Variants in RAB22A observed in about 807,000 individuals in gnomAD.
RAB22A encodes the protein RAB22A, member RAS oncogene family, also known as ras-related protein Rab-22A.
Under a neutral mutation model 30.2 loss-of-function variants are expected in RAB22A, and 13 were observed. The observed-to-expected ratio is 0.43, with a 90% CI of 0.28 to 0.68. The LOEUF (loss-of-function observed/expected upper bound fraction) is 0.68, where lower values mean the gene tolerates loss of function less well. RAB22A is among the 30% of genes least tolerant of loss of function. RAB22A has a pLI of 0.18. For synonymous variants in RAB22A, 89 were observed against 87.2 expected (o/e 1.02, Z -0.11); for missense variants, 177 against 246.8 (o/e 0.72, Z 1.89).
At position 58,361,314 on chromosome 20, in the gene RAB22A, C is replaced by A. The variant is rs1170176126; in HGVS notation, c.*1611C>A. ...AAATAATTGGTATTATTTTGTGCCC[C>A]CCACTTAATATGGATAGATTTTAAT... On this transcript the variant is annotated 3_prime_UTR_variant, in exon 7 of 7. Coordinates refer to ENST00000244040, the MANE Select transcript of RAB22A (RefSeq NM_020673.3). 1 of 152,456 alleles carries A rather than the reference C, an allele frequency of 6.6e-6. No homozygotes were observed. The highest frequency in any genetic ancestry group is 1.5e-5 in the Non-Finnish European group (1 of 68,008). The allele number at this position is 152,456 out of a possible 1,614,324, so 9.4% of individuals were successfully genotyped here.
intron 2 of RAB22A, among the ~76,000 whole-genome samples, chr20:58,335,664 T>C (rs1281424288): frequency 6.6e-6 from 1 of 152,224 alleles, no homozygotes; most frequent in Non-Finnish European, 1.5e-5. Context: ...ATTCAATGGC[T>C]GGAAAAGGAA....
chr20:58,353,128 G>A (rs1178532933), intron 3 of RAB22A, 145 bp from the exon 4 acceptor site: 6 of 712,228 alleles, frequency 8.4e-6, no homozygotes, highest in South Asian at 2.0e-5. Context: ...GTAATTACTG[G>A]TTCATTTGCT....
intron 2 of RAB22A, among the ~76,000 whole-genome samples, chr20:58,317,553 A>C (rs1048782533): frequency 7.0e-6 from 1 of 143,516 alleles, no homozygotes; most frequent in African/African-American, 2.6e-5. Context: ...GGTAGTTATT[A>C]TTCTTTTTTT....
intron 2 of RAB22A, among the ~76,000 whole-genome samples, chr20:58,328,078 C>G (rs1986599587): frequency 6.6e-6 from 1 of 152,140 alleles, no homozygotes; most frequent in South Asian, 2.1e-4. Flanking sequence ...AGAAAATAAT[C>G]TTGATTGTAA....
intron 2 of RAB22A, among the ~76,000 whole-genome samples, chr20:58,335,150 T>C (rs144753850): frequency 1.3e-4 from 20 of 152,372 alleles, no homozygotes; most frequent in African/African-American, 4.3e-4. Context: ...AGAGTACCTA[T>C]TTTATGATTC....
At chr20:58,349,881 G>A (rs187396758) in intron 3 of RAB22A, among the ~76,000 whole-genome samples, 1 of 152,330 alleles carries the variant, frequency 6.6e-6, no homozygotes, top group East Asian at 1.9e-4. Flanking sequence ...GTGACCCAGT[G>A]AGTAGAAGCA....
At chr20:58,359,409 A>C (rs1016635309) in intron 6 of RAB22A, among the ~76,000 whole-genome samples, 197 bp from the exon 7 acceptor site, 10 of 152,008 alleles carry the variant, frequency 6.6e-5, no homozygotes, top group African/African-American at 2.4e-4. Context: ...ACTGGGGGAA[A>C]CTGGGTGGGA....
intron 2 of RAB22A, among the ~76,000 whole-genome samples, chr20:58,325,939 T>A (rs1986562715): frequency 6.6e-6 from 1 of 152,232 alleles, no homozygotes; most frequent in African/African-American, 2.4e-5. Flanking sequence ...AGGAATGAGT[T>A]AAATCTGTCA....
rs555671832 is a variant in RAB22A at position 58,360,447 on chromosome 20, A to G, written c.*744A>G. The G allele has an allele frequency of 6.5e-6, 1 of 152,754 alleles. No individual in the cohort carries two copies. The highest frequency in any genetic ancestry group is 2.4e-5 in the African/African-American group (1 of 41,570). The allele number at this position is 152,754 out of a possible 1,614,324, so 9.5% of individuals were successfully genotyped here. A position where few individuals can be genotyped will look rare whatever the true frequency, so the allele number is the denominator to read the frequency against. ...CTGCCCGGAATAAACTGAATTTCATATGTTCTAAAATGACTAGCAATGGTT... is the reference window on the plus strand; with the variant it reads ...CTGCCCGGAATAAACTGAATTTCATGTGTTCTAAAATGACTAGCAATGGTT... On this transcript the variant is annotated 3_prime_UTR_variant, in exon 7 of 7. Transcript: ENST00000244040.
intron 3 of RAB22A, among the ~76,000 whole-genome samples, chr20:58,347,370 A>G (rs1986968181): frequency 6.6e-6 from 1 of 152,082 alleles, no homozygotes; most frequent in Non-Finnish European, 1.5e-5. Flanking sequence ...AACTTAAATG[A>G]AGAGGAAAAA....
chr20:58,363,614 T>C lies in RAB22A; in HGVS notation c.*3911T>C, dbSNP rs1600747770. On this transcript the variant is annotated 3_prime_UTR_variant, in exon 7 of 7. Transcript: ENST00000244040. ...TAGATAGTGAACCTGTGAAAGTCAT[T>C]ATTTACATTTGCTTTAAAGGGACAG... 6.6e-6 allele frequency: 1 copy of C among 152,208 alleles called. No individual in the cohort carries two copies. Among genetic ancestry groups the C allele is most frequent in the Non-Finnish European group, 1.5e-5 (1 of 68,038 alleles). The allele number at this position is 152,208 out of a possible 1,614,324, so 9.4% of individuals were successfully genotyped here.
chr20:58,341,644 T>C (rs1000387809), intron 2 of RAB22A, among the ~76,000 whole-genome samples: 3 of 152,172 alleles, frequency 2.0e-5, no homozygotes, highest in African/African-American at 7.2e-5. Flanking sequence ...GGGAGTTAGA[T>C]TTAATCCTTC....
At chr20:58,325,096 A>G (rs73616263) in intron 2 of RAB22A, among the ~76,000 whole-genome samples, 75 of 137,976 alleles carry the variant, frequency 5.4e-4, no homozygotes, top group Middle Eastern at 5.0e-3. Flanking sequence ...AGAATCGCTT[A>G]AACCTGGGAG....
chr20:58,316,436 A>G (rs908240820), intron 2 of RAB22A, among the ~76,000 whole-genome samples: 1 of 152,174 alleles, frequency 6.6e-6, no homozygotes, highest in African/African-American at 2.4e-5. Flanking sequence ...CAACCACAGC[A>G]GGGATTTTCA....
chr20:58,319,568 A>T lies in RAB22A; in HGVS notation c.116+8446A>T, dbSNP rs552082018. Reference sequence around the variant, plus strand: ...GCATTTCTATATAAATTTTAGAATCACAGTGCCCAGTTCCTCAAAAGAGCC... The same window carrying T: ...GCATTTCTATATAAATTTTAGAATCTCAGTGCCCAGTTCCTCAAAAGAGCC... On this transcript the variant is annotated intron_variant, in intron 2 of 6. Coordinates refer to ENST00000244040, the MANE Select transcript of RAB22A (RefSeq NM_020673.3). Among the ~76,000 whole-genome samples, 4 of 152,304 alleles carry T rather than the reference A, an allele frequency of 2.6e-5. No individual in the cohort carries two copies. In the South Asian group the frequency reaches 8.3e-4, roughly 32 times the overall value.
chr20:58,325,109 G>T (rs953136230), intron 2 of RAB22A, among the ~76,000 whole-genome samples: 1 of 149,832 alleles, frequency 6.7e-6, no homozygotes, highest in African/African-American at 2.5e-5. Context: ...CCTGGGAGTC[G>T]GAGGTTGCAG....
chr20:58,311,962 T>C (rs1289418901), intron 2 of RAB22A, among the ~76,000 whole-genome samples: 1 of 152,216 alleles, frequency 6.6e-6, no homozygotes, highest in Non-Finnish European at 1.5e-5. Flanking sequence ...AGGTTATTTA[T>C]GGATTTTTTT....
At chr20:58,331,164 G>GTT (rs1986654725) in intron 2 of RAB22A, among the ~76,000 whole-genome samples, 1 of 152,060 alleles carries the variant, frequency 6.6e-6, no homozygotes, top group Admixed American at 6.5e-5. Flanking sequence ...TGTATTTACT[G>GTT]TTTCCTCTTT....
At chr20:58,326,903 G>A (rs1986578992) in intron 2 of RAB22A, among the ~76,000 whole-genome samples, 2 of 152,154 alleles carry the variant, frequency 1.3e-5, no homozygotes, top group South Asian at 4.1e-4. Context: ...CAATGTTAGG[G>A]GGAAAACATT....
Sources: allele counts gnomAD v4.1 joint callset (sites outside exome capture counted in the v4.1 genomes callset), GRCh38; gene constraint gnomAD v4.1.1; transcripts MANE v1.5; gene names NCBI Gene and HGNC (gene_info 2026-07-23, HGNC 2026-07-21).